AKAP8L: variants seen among roughly 807,000 people sequenced by gnomAD.
AKAP8L encodes the protein A-kinase anchor protein 8-like.
AKAP8L carries 34 observed loss-of-function variants against 77.5 expected under a neutral mutation model. The observed-to-expected ratio is 0.44, with a 90% CI of 0.33 to 0.58. AKAP8L has a LOEUF of 0.58. Among genes scored for constraint, AKAP8L ranks in the 20% least tolerant of loss-of-function variants. The pLI is 0.02. For synonymous variants in AKAP8L, 342 were observed against 340.7 expected (o/e 1.00, Z -0.04); for missense variants, 806 against 887.6 (o/e 0.91, Z 1.17).
At chr19:15,382,964 CA>C (rs1967450268) in intron 12 of AKAP8L, among the ~76,000 whole-genome samples, 2 of 152,136 alleles carry the variant, frequency 1.3e-5, no homozygotes, top group Admixed American at 6.5e-5. Context: ...CAGAAATGTA[CA>C]AAACACACCA....
In AKAP8L at chr19:15,401,058, G is replaced by C. The variant is rs766506401; in HGVS notation, c.817-15C>G. ...TTCTTCTTGGTCTGGGTCATAAGGGGGGGAAGCCGTGTCAGGGTGCATGGC... is the reference window on the plus strand; with the variant it reads ...TTCTTCTTGGTCTGGGTCATAAGGGCGGGAAGCCGTGTCAGGGTGCATGGC... On this transcript the variant is annotated splice_polypyrimidine_tract_variant and intron_variant, in intron 5 of 13. Transcript: ENST00000397410. The surrounding 1 kb of genome is among the most constrained non-coding windows in gnomAD (Gnocchi z 6.2). 6.2e-7 allele frequency: 1 copy of C among 1,611,236 alleles called. No individual in the cohort carries two copies. Among genetic ancestry groups the C allele is most frequent in the African/African-American group, 1.3e-5 (1 of 75,038 alleles).
chr19:15,380,627 G>C lies in AKAP8L; in HGVS notation c.1537-15C>G. On this transcript the variant is annotated splice_polypyrimidine_tract_variant and intron_variant, in intron 12 of 13. Coordinates refer to ENST00000397410, the MANE Select transcript of AKAP8L (RefSeq NM_014371.4). ...TCCATCATGAGCTGCGGGCAGGGCA[G>C]AAGGAGCTGGAGAGGCTGCTCTGAG... 13 of 1,612,144 alleles carry C rather than the reference G, an allele frequency of 8.1e-6. No homozygotes were observed. Among genetic ancestry groups the C allele is most frequent in the Non-Finnish European group, 1.1e-5 (13 of 1,179,502 alleles).
In AKAP8L at chr19:15,401,440, A is replaced by C. The variant is rs1320957206; in HGVS notation, c.526T>G (p.Phe176Val). The change falls in exon 5 of 14, where the codon TTC becomes GTC. Residue 176 changes from phenylalanine to valine, a missense_variant. Transcript: ENST00000397410. The surrounding 1 kb of genome is among the most constrained non-coding windows in gnomAD (Gnocchi z 6.2). ...GCCCAGCCCTGTGCCCTGGGACCGA[A>C]GGTGTCGTTGCCACGCATGCGGAAC... ...DQFRMRGNDT[F>V]GPRAQGWARD... is the part of the protein sequence containing the mutation. 2 of 1,613,616 alleles carry C rather than the reference A, an allele frequency of 1.2e-6. No individual in the cohort carries two copies. Among genetic ancestry groups the C allele is most frequent in the Admixed American group, 3.3e-5 (2 of 60,022 alleles).
rs1416633406 is a variant in AKAP8L, at chr19:15,380,541, G to C, written c.1608C>G (p.Ser536Arg). The change falls in exon 13 of 14, where the codon AGC becomes AGG. Residue 536 changes from serine to arginine, a missense_variant. Physicochemically the swap from Ser to Arg is moderately radical, Grantham distance 110. Around this residue, in one of 2 missense-constraint regions of AKAP8L, gnomAD observed 226 missense variants for 193.5 expected, o/e 1.17. Coordinates refer to ENST00000397410, the MANE Select transcript of AKAP8L (RefSeq NM_014371.4). ...ARSILNNKLI[S>R]KKLERYLKGE... is the part of the protein sequence containing the mutation. ...CCTTCAGGTAGCGCTCCAGCTTCTT[G>C]CTGATGAGCTTGTTGTTGAGAATAC... The C allele has an allele frequency of 1.9e-6, 3 of 1,613,950 alleles. No homozygotes were observed. In the Admixed American group the frequency reaches 5.0e-5, roughly 27 times the overall value.
chr19:15,390,244 C>T (rs1056782059), intron 12 of AKAP8L, among the ~76,000 whole-genome samples: 3 of 151,840 alleles, frequency 2.0e-5, no homozygotes, highest in Admixed American at 6.6e-5. Context: ...GACAAAACCC[C>T]GTCTCTACAA....
At chr19:15,409,794 A>C (rs533256329) in intron 2 of AKAP8L, among the ~76,000 whole-genome samples, 11 of 152,304 alleles carry the variant, frequency 7.2e-5, no homozygotes, top group African/African-American at 2.2e-4. Flanking sequence ...ATCTTCACTC[A>C]ACTCTGTGTG....
In AKAP8L at chr19:15,400,302, T is replaced by G; in HGVS notation, c.1041A>C (p.Pro347=). The G allele has an allele frequency of 6.2e-7, 1 of 1,613,768 alleles. No individual in the cohort carries two copies. The highest frequency in any genetic ancestry group is 8.5e-7 in the Non-Finnish European group (1 of 1,179,830). Residue 347 remains proline (P), a synonymous_variant, in exon 8 of 14, where the codon CCA becomes CCC. Coordinates refer to ENST00000397410, the MANE Select transcript of AKAP8L (RefSeq NM_014371.4). ...CACCCCAGGAAAACTCACCCTTCTCTGGATCCTCTTTGCCTTCTTCTCTCC... is the reference window on the plus strand; with the variant it reads ...CACCCCAGGAAAACTCACCCTTCTCGGGATCCTCTTTGCCTTCTTCTCTCC... ...EDGREEGKED[P]EKGALTTQDE...
At position 15,397,132 on chromosome 19, in the gene AKAP8L, A is replaced by C; in HGVS notation, c.1536+18T>G. Reference sequence around the variant, plus strand: ...CAATCTACCCACAGGACAGAGGGAGAGCACTGTGGCCACTCACCCTGCGGT... The same window carrying C: ...CAATCTACCCACAGGACAGAGGGAGCGCACTGTGGCCACTCACCCTGCGGT... On this transcript the variant is annotated intron_variant, in intron 12 of 13. Transcript: ENST00000397410. The surrounding 1 kb of genome is among the most constrained non-coding windows in gnomAD (Gnocchi z 4.7). 6.2e-7 allele frequency: 1 copy of C among 1,613,088 alleles called. No homozygotes were observed. The highest frequency in any genetic ancestry group is 1.1e-5 in the South Asian group (1 of 91,026).
In AKAP8L at chr19:15,393,640, G is replaced by A. The variant is rs566197100; in HGVS notation, c.1536+3510C>T. On this transcript the variant is annotated intron_variant, in intron 12 of 13. Transcript: ENST00000397410. ...TGACTAGATCAAAAAGTCAGAAAAT[G>A]CCGGGCGCGGTGGCTCATGCCTGTA... 3.7e-4 allele frequency among the ~76,000 whole-genome samples: 57 copies of A among 152,236 alleles called. 2 individuals carry two copies. The highest frequency in any genetic ancestry group is 3.3e-3 in the Admixed American group (51 of 15,276).
At chr19:15,400,005 G>A (rs1388758045) in intron 8 of AKAP8L, 2 of 529,442 alleles carry the variant, frequency 3.8e-6, no homozygotes, top group Admixed American at 6.6e-5. Flanking sequence ...GAGGGCAGGG[G>A]GCGTGCCTGG....
chr19:15,413,255 G>A (rs980107173), intron 1 of AKAP8L, among the ~76,000 whole-genome samples: 20 of 152,198 alleles, frequency 1.3e-4, no homozygotes, highest in African/African-American at 1.9e-4. Context: ...CAAAACTCAC[G>A]CTGGAGCTGT....
chr19:15,403,952 G>T lies in AKAP8L; in HGVS notation c.121+58C>A. On this transcript the variant is annotated intron_variant, in intron 3 of 13. Transcript: ENST00000397410. The surrounding 1 kb of genome is among the most constrained non-coding windows in gnomAD (Gnocchi z 4.3). The stretch of plus-strand genomic sequence containing the variant: ...CTTGGCCAAGCAGGGCAGTGGCAGA[G>T]AAACACAGCCAGGACAACCCCAAGG... 1.2e-6 allele frequency: 2 copies of T among 1,602,538 alleles called. No individual in the cohort carries two copies. The highest frequency in any genetic ancestry group is 2.2e-5 in the East Asian group (1 of 44,838).
chr19:15,397,881 T>C lies in AKAP8L; in HGVS notation c.1158-26A>G. 6.2e-7 allele frequency: 1 copy of C among 1,610,194 alleles called. No individual in the cohort carries two copies. The highest frequency in any genetic ancestry group is 8.5e-7 in the Non-Finnish European group (1 of 1,178,232). On this transcript the variant is annotated intron_variant, in intron 9 of 13. Transcript: ENST00000397410. This position sits in a 1 kb window ranked among gnomAD's most constrained non-coding sequence, Gnocchi z 4.7. ...CTGCCACAGGAAGGAAACGAGGGGC[T>C]GAGGCTGCAAGTGTCCCAGGGGATA... is the stretch of plus-strand genomic sequence containing the variant.
chr19:15,393,325 G>A (rs1037792330), intron 12 of AKAP8L, among the ~76,000 whole-genome samples: 1 of 152,022 alleles, frequency 6.6e-6, no homozygotes, highest in African/African-American at 2.4e-5. Context: ...AGCAATAAAA[G>A]AAAATTGGAC....
chr19:15,394,604 T>A (rs774036372), intron 12 of AKAP8L, among the ~76,000 whole-genome samples: 9 of 151,952 alleles, frequency 5.9e-5, no homozygotes, highest in Non-Finnish European at 1.3e-4. Flanking sequence ...ACTGTGGTGG[T>A]GCAATCATAA....
intron 12 of AKAP8L, chr19:15,381,019 A>G (rs1967402168): frequency 5.8e-6 from 1 of 171,420 alleles, no homozygotes; most frequent in South Asian, 1.6e-4. Context: ...AAAAACAGGA[A>G]CAGATATTTA....
At chr19:15,389,568 C>T (rs912671014) in intron 12 of AKAP8L, among the ~76,000 whole-genome samples, 1 of 151,690 alleles carries the variant, frequency 6.6e-6, no homozygotes, top group Non-Finnish European at 1.5e-5. Context: ...GTCAGGAGAT[C>T]GAGACCATCC....
At chr19:15,386,956 G>A (rs1456333902) in intron 12 of AKAP8L, among the ~76,000 whole-genome samples, 1 of 152,204 alleles carries the variant, frequency 6.6e-6, no homozygotes, top group African/African-American at 2.4e-5. Flanking sequence ...ACTGTACCCA[G>A]CCGGATGTCA....
At position 15,410,489 on chromosome 19, in the gene AKAP8L, A is replaced by G. The variant is rs759592407; in HGVS notation, c.88+31T>C. The G allele has an allele frequency of 1.9e-6, 3 of 1,546,674 alleles. No homozygotes were observed. In the East Asian group the frequency reaches 7.2e-5, roughly 37 times the overall value. ...AAGACAAGGAACTGCTCTGCAGAAC[A>G]CTTTGGTTCCCACCAGAAGTCCACA... is the stretch of plus-strand genomic sequence containing the variant. On this transcript the variant is annotated intron_variant, in intron 2 of 13. Transcript: ENST00000397410.
Sources: allele counts gnomAD v4.1 joint callset (sites outside exome capture counted in the v4.1 genomes callset), GRCh38; gene constraint gnomAD v4.1.1; regional missense constraint gnomAD v4.1.1; non-coding constraint Gnocchi (gnomAD v3.1); transcripts MANE v1.5; gene names NCBI Gene and HGNC (gene_info 2026-07-23, HGNC 2026-07-21).